The following PCDHGA1 variants were observed in gnomAD, a reference collection of about 807,000 sequenced individuals.
The protein encoded by PCDHGA1 is protocadherin gamma subfamily A, 1, also known as protocadherin gamma-A1.
PCDHGA1 carries 32 observed loss-of-function variants against 58.0 expected under a neutral mutation model. The ratio of observed to expected loss-of-function variants is 0.55; its 90% CI spans 0.42 to 0.74. The LOEUF (loss-of-function observed/expected upper bound fraction) is 0.74. Among genes scored for constraint, PCDHGA1 ranks in the 30% least tolerant of loss-of-function variants. The pLI, the probability that PCDHGA1 is intolerant of heterozygous loss-of-function variation, is 0.00. For missense variants in PCDHGA1, 1,205 were observed against 1,182.3 expected, an observed-to-expected ratio of 1.02 and a Z score of -0.28; for synonymous variants, 498 against 501.1, an observed-to-expected ratio of 0.99 and a Z score of 0.08.
chr5:141,453,288 A>G (rs931678565), intron 1 of PCDHGA1, among the ~76,000 whole-genome samples: 1 of 151,342 alleles, frequency 6.6e-6, no homozygotes, highest in Non-Finnish European at 1.5e-5. Context: ...TAATTTTTTA[A>G]TTATTTATTT....
In PCDHGA1 at chr5:141,485,101, T is replaced by C; in HGVS notation, c.2422-9706T>C. On this transcript the variant is annotated intron_variant, in intron 1 of 3. Coordinates refer to ENST00000517417, the MANE Select transcript of PCDHGA1 (RefSeq NM_018912.3). The surrounding 1 kb of genome is among the most constrained non-coding windows in gnomAD (Gnocchi z 5.7). ...GGAAAGGGAGATAGGTGTCTCCAGC[T>C]GCTGTGGCTGTTTGGGGCGGGTCGG... 1 of 1,158,208 alleles carries C rather than the reference T, an allele frequency of 8.6e-7. No homozygotes were observed. Among genetic ancestry groups the C allele is most frequent in the South Asian group, 1.4e-5 (1 of 72,622 alleles). The allele number at this position is 1,158,208 out of a possible 1,614,324, so 71.7% of individuals were successfully genotyped here.
At chr5:141,464,044 C>T (rs898632465) in intron 1 of PCDHGA1, among the ~76,000 whole-genome samples, 1 of 152,086 alleles carries the variant, frequency 6.6e-6, no homozygotes, top group African/African-American at 2.4e-5. Context: ...GCGGGTGGAT[C>T]ACCTGAGGTC....
Position 141,359,555 on chromosome 5 carries a change from C to G in PCDHGA1, c.2421+26450C>G, listed in dbSNP as rs1761251124. 2.0e-5 allele frequency among the ~76,000 whole-genome samples: 3 copies of G among 151,148 alleles called. No individual in the cohort carries two copies. The South Asian group carries it at 6.3e-4, about 32-fold the overall frequency. ...TATAAGAAATAAATAGGAAAGCTCT[C>G]TATGTACTGATATGATCTTTAAGAT... On this transcript the variant is annotated intron_variant, in intron 1 of 3. Coordinates refer to ENST00000517417, the MANE Select transcript of PCDHGA1 (RefSeq NM_018912.3).
intron 2 of PCDHGA1, among the ~76,000 whole-genome samples, chr5:141,495,471 G>A (rs2099761632): frequency 6.6e-6 from 1 of 152,190 alleles, no homozygotes; most frequent in Non-Finnish European, 1.5e-5. Context: ...TGGGGTCTCC[G>A]TGTCTCTGCC....
chr5:141,469,974 T>C (rs1456176152), intron 1 of PCDHGA1, among the ~76,000 whole-genome samples: 1 of 151,864 alleles, frequency 6.6e-6, no homozygotes, highest in African/African-American at 2.4e-5. Context: ...GTACCAAAAA[T>C]ACAAAAATTA....
At chr5:141,352,392 T>G in intron 1 of PCDHGA1, 1 of 1,614,056 alleles carries the variant, frequency 6.2e-7, no homozygotes, top group South Asian at 1.1e-5. Context: ...GCCCTGCGCC[T>G]GCGACGTTCC....
intron 1 of PCDHGA1, chr5:141,408,923 G>C: frequency 6.2e-7 from 1 of 1,613,488 alleles, no homozygotes; most frequent in Non-Finnish European, 8.5e-7. Flanking sequence ...TAACCCCCCG[G>C]TTTTCAGCAG....
chr5:141,331,229 T>C lies in PCDHGA1; in HGVS notation c.545T>C (p.Val182Ala), dbSNP rs1756347178. 6.2e-7 allele frequency: 1 copy of C among 1,614,118 alleles called. No individual in the cohort carries two copies. Residue 182 changes from valine to alanine, a missense_variant, in exon 1 of 4, where the codon GTG becomes GCG. Physicochemically the swap from Val to Ala is moderately conservative, Grantham distance 64. Coordinates refer to ENST00000517417, the MANE Select transcript of PCDHGA1 (RefSeq NM_018912.3). ...LSSNPHFSLDVQQGADGPQHP... is the reference protein window; with the variant it reads ...LSSNPHFSLDAQQGADGPQHP... ...TCTAACCCTCATTTCTCCCTGGATG[T>C]GCAACAGGGAGCCGATGGGCCTCAA... is the stretch of plus-strand genomic sequence containing the variant.
At chr5:141,457,555 C>A (rs1425159883) in intron 1 of PCDHGA1, among the ~76,000 whole-genome samples, 2 of 152,168 alleles carry the variant, frequency 1.3e-5, no homozygotes. Context: ...GTATGATAAG[C>A]TTTGGAGCAA....
rs749469652 is a variant in PCDHGA1, at chr5:141,371,514, CT to C, written c.2421+38410del. On this transcript the variant is annotated intron_variant, in intron 1 of 3. Transcript: ENST00000517417. The stretch of plus-strand genomic sequence containing the variant: ...CGTTGCCCTGATCAAAACACATGAT[CT>C]AGATTCTGGATTTAATGGAGAAATC... The C allele has an allele frequency of 1.9e-6, 3 of 1,613,792 alleles. No homozygotes were observed. The South Asian group carries it at 3.3e-5, about 18-fold the overall frequency.
chr5:141,433,508 A>G (rs2097615565), intron 1 of PCDHGA1, among the ~76,000 whole-genome samples: 1 of 152,068 alleles, frequency 6.6e-6, no homozygotes, highest in Non-Finnish European at 1.5e-5. Context: ...TGCTGGGATT[A>G]CAGGCGTGAA....
chr5:141,408,108 A>T, intron 1 of PCDHGA1: 1 of 1,441,874 alleles, frequency 6.9e-7, no homozygotes, highest in Non-Finnish European at 9.1e-7. Flanking sequence ...GAGACCCGGG[A>T]CTCCTCCTGT....
At chr5:141,418,778 T>A (rs1256260275) in intron 1 of PCDHGA1, 1 of 1,613,626 alleles carries the variant, frequency 6.2e-7, no homozygotes, top group East Asian at 2.2e-5. Flanking sequence ...TCAGCAGCCT[T>A]TGGATTTTGA....
chr5:141,432,874 G>A lies in PCDHGA1; in HGVS notation c.2422-61933G>A, dbSNP rs2097545539. 2 of 1,614,176 alleles carry A rather than the reference G, an allele frequency of 1.2e-6. No homozygotes were observed. The highest frequency in any genetic ancestry group is 1.7e-6 in the Non-Finnish European group (2 of 1,180,014). Reference sequence around the variant, plus strand: ...TGGCCGCGGTCTCCTGCGTCTTCCTGGCCTTCGTCATCTTGCTGCTGGCGC... The same window carrying A: ...TGGCCGCGGTCTCCTGCGTCTTCCTAGCCTTCGTCATCTTGCTGCTGGCGC... On this transcript the variant is annotated intron_variant, in intron 1 of 3. Transcript: ENST00000517417. This position sits in a 1 kb window ranked among gnomAD's most constrained non-coding sequence, Gnocchi z 6.0.
chr5:141,352,175 C>G, intron 1 of PCDHGA1: 1 of 1,613,662 alleles, frequency 6.2e-7, no homozygotes, highest in Admixed American at 1.7e-5. Context: ...CCAGCGCCTG[C>G]TGGTCGCTGT....
intron 1 of PCDHGA1, chr5:141,375,260 G>A: frequency 6.2e-7 from 1 of 1,613,874 alleles, no homozygotes; most frequent in Non-Finnish European, 8.5e-7. Flanking sequence ...TCTCCCATTT[G>A]AATTGGAAAA....
chr5:141,454,796 A>ATTTTTTTT (rs61612330), intron 1 of PCDHGA1, among the ~76,000 whole-genome samples: 1,488 of 77,444 alleles, frequency 0.019, 251 homozygotes, highest in African/African-American at 0.042. Flanking sequence ...CATGGTTCTA[A>ATTTTTTTT]TTTTTTTTTT....
intron 1 of PCDHGA1, chr5:141,366,288 C>T (rs1020562585): frequency 6.2e-7 from 1 of 1,613,748 alleles, no homozygotes; most frequent in Non-Finnish European, 8.5e-7. Flanking sequence ...GGCCAGCCCC[C>T]TCTGTCAGCC....
rs200715621 is a variant in PCDHGA1 at position 141,432,628 on chromosome 5, G to A, written c.2422-62179G>A. 3.2e-4 allele frequency: 515 copies of A among 1,611,902 alleles called. No individual in the cohort carries two copies. Among genetic ancestry groups the A allele is most frequent in the Non-Finnish European group, 4.2e-4 (497 of 1,179,404 alleles). On this transcript the variant is annotated intron_variant, in intron 1 of 3. Coordinates refer to ENST00000517417, the MANE Select transcript of PCDHGA1 (RefSeq NM_018912.3). The surrounding 1 kb of genome is among the most constrained non-coding windows in gnomAD (Gnocchi z 6.0). ...GACTCTTCTCGGTGGGTCTGCACAC[G>A]GGCGAGGTGCGCACGGCGCGAGCCC...
Sources: allele counts gnomAD v4.1 joint callset (sites outside exome capture counted in the v4.1 genomes callset), GRCh38; gene constraint gnomAD v4.1.1; non-coding constraint Gnocchi (gnomAD v3.1); transcripts MANE v1.5; gene names NCBI Gene and HGNC (gene_info 2026-07-23, HGNC 2026-07-21).